ZNF569: variants seen among roughly 807,000 people sequenced by gnomAD.
ZNF569 encodes DNA-binding protein.
ZNF569 carries 38 observed loss-of-function variants against 56.3 expected under a neutral mutation model. The observed-to-expected ratio is 0.68, with a 90% CI of 0.52 to 0.88. The LOEUF (loss-of-function observed/expected upper bound fraction) is 0.88, where lower values mean the gene tolerates loss of function less well. Ranked by LOEUF, ZNF569 falls within the 40% of genes least tolerant of loss-of-function variation. The pLI is 0.00. For missense variants in ZNF569, 666 were observed against 809.2 expected, an observed-to-expected ratio of 0.82 and a Z score of 2.15; for synonymous variants, 241 against 262.9, an observed-to-expected ratio of 0.92 and a Z score of 0.81.
intron 3 of ZNF569, among the ~76,000 whole-genome samples, chr19:37,440,002 T>C (rs1467638512): frequency 6.6e-6 from 1 of 152,202 alleles, no homozygotes; most frequent in Non-Finnish European, 1.5e-5. Context: ...ACAGGACAAC[T>C]ATAGTCAACA....
Position 37,414,292 on chromosome 19 carries a change from T to C in ZNF569, c.366A>G (p.Val122=). The C allele has an allele frequency of 1.2e-6, 2 of 1,613,676 alleles. No individual in the cohort carries two copies. Among genetic ancestry groups the C allele is most frequent in the Non-Finnish European group, 1.7e-6 (2 of 1,179,796 alleles). Residue 122 remains valine, a synonymous_variant, in exon 6 of 6, where the codon GTA becomes GTG. Transcript: ENST00000316950. ...GGAAAAAATCAGAGTTCAGAGGAAA[T>C]ACATTTGCAAATTTCTTTTGACATT... The part of the protein sequence containing the change: ...GNECQKKFAN[V]FPLNSDFFPS...
chr19:37,436,355 T>C (rs1206694833), intron 3 of ZNF569, among the ~76,000 whole-genome samples: 2 of 151,720 alleles, frequency 1.3e-5, no homozygotes, highest in Admixed American at 1.3e-4. Context: ...AAAAGGAAAG[T>C]TTATAGCTAT....
chr19:37,468,718 G>A (rs192549552), upstream of ZNF569, among the ~76,000 whole-genome samples: 4 of 152,278 alleles, frequency 2.6e-5, no homozygotes, highest in South Asian at 4.1e-4. Flanking sequence ...ATGTTGGTCA[G>A]GCTGGTCTCG....
At chr19:37,464,961 G>A (rs999758407) in intron 2 of ZNF569, among the ~76,000 whole-genome samples, 6 of 152,002 alleles carry the variant, frequency 3.9e-5, no homozygotes, top group South Asian at 2.1e-4. Context: ...TTAATACTAC[G>A]GGCCATAAAG....
chr19:37,454,584 T>C (rs1339078877), intron 2 of ZNF569, among the ~76,000 whole-genome samples: 1 of 152,176 alleles, frequency 6.6e-6, no homozygotes, highest in Non-Finnish European at 1.5e-5. Flanking sequence ...CTCTTCATTA[T>C]GCAGTGATAG....
chr19:37,444,876 G>C, intron 3 of ZNF569, 31 bp downstream of exon 3: 1 of 1,574,372 alleles, frequency 6.4e-7, no homozygotes, highest in South Asian at 1.1e-5. Context: ...GGAGAGTAAG[G>C]CAAGAAACAA....
At chr19:37,427,681 A>G in intron 3 of ZNF569, 1 of 414,676 alleles carries the variant, frequency 2.4e-6, no homozygotes, top group Admixed American at 2.5e-5. Flanking sequence ...AGCTCCTGAA[A>G]GCCCTTCCTG....
intron 3 of ZNF569, among the ~76,000 whole-genome samples, chr19:37,442,414 G>GA (rs1005923916): frequency 2.0e-5 from 3 of 152,188 alleles, no homozygotes; most frequent in Non-Finnish European, 4.4e-5. Flanking sequence ...TAGTGAGGGT[G>GA]AAACACAGTG....
At chr19:37,441,194 T>A (rs574367302) in intron 3 of ZNF569, among the ~76,000 whole-genome samples, 1 of 152,016 alleles carries the variant, frequency 6.6e-6, no homozygotes, top group African/African-American at 2.4e-5. Context: ...GGTAGGGAGG[T>A]AATATGTGCC....
intron 5 of ZNF569, among the ~76,000 whole-genome samples, chr19:37,423,606 T>C (rs1190644427): frequency 6.6e-6 from 1 of 152,152 alleles, no homozygotes; most frequent in African/African-American, 2.4e-5. Flanking sequence ...AAAAAAGTAC[T>C]TCAACGAGGA....
intron 3 of ZNF569, among the ~76,000 whole-genome samples, chr19:37,426,962 G>A (rs974847932): frequency 6.6e-6 from 1 of 152,194 alleles, no homozygotes; most frequent in Non-Finnish European, 1.5e-5. Flanking sequence ...CACATGCCCT[G>A]ATGACAATTT....
intron 2 of ZNF569, among the ~76,000 whole-genome samples, chr19:37,456,523 C>T (rs1347516478): frequency 2.0e-5 from 3 of 152,134 alleles, no homozygotes; most frequent in African/African-American, 7.2e-5. Flanking sequence ...CATTAAGTCA[C>T]AGAGCTCTCC....
At chr19:37,436,553 T>TA (rs2041312639) in intron 3 of ZNF569, among the ~76,000 whole-genome samples, 1 of 151,474 alleles carries the variant, frequency 6.6e-6, no homozygotes, top group Non-Finnish European at 1.5e-5. Flanking sequence ...ATCAGTTTTT[T>TA]AAAAAAATGA....
chr19:37,433,526 C>A (rs545757806), intron 3 of ZNF569, among the ~76,000 whole-genome samples: 2 of 152,114 alleles, frequency 1.3e-5, no homozygotes, highest in African/African-American at 4.8e-5. Flanking sequence ...TAGATTTAAA[C>A]CAAATAAGAC....
upstream of ZNF569, chr19:37,468,160 C>A: frequency 1.8e-6 from 1 of 567,844 alleles, no homozygotes; most frequent in South Asian, 2.3e-5. Context: ...GATGTTGGCT[C>A]ACTGCAGCCT....
chr19:37,422,573 A>G (rs755700579), intron 5 of ZNF569, among the ~76,000 whole-genome samples: 2 of 152,224 alleles, frequency 1.3e-5, no homozygotes, highest in African/African-American at 2.4e-5. Flanking sequence ...CAGGGCTGCC[A>G]CAAGCCTTCA....
At chr19:37,428,822 G>T (rs1322881599) in intron 3 of ZNF569, among the ~76,000 whole-genome samples, 1 of 151,956 alleles carries the variant, frequency 6.6e-6, no homozygotes, top group Admixed American at 6.6e-5. Flanking sequence ...CTACAGGCGT[G>T]CGCCACCACA....
chr19:37,450,279 G>C (rs1301764927), intron 2 of ZNF569, among the ~76,000 whole-genome samples: 1 of 152,194 alleles, frequency 6.6e-6, no homozygotes, highest in Non-Finnish European at 1.5e-5. Context: ...GTATGGTCCA[G>C]AGCTCTTCCA....
intron 3 of ZNF569, among the ~76,000 whole-genome samples, chr19:37,427,344 C>A (rs1168295130): frequency 5.9e-5 from 9 of 151,640 alleles, no homozygotes; most frequent in Admixed American, 6.6e-5. Context: ...GAATGAATTT[C>A]AAAAAAACTG....
Sources: gnomAD v4.1 joint callset for allele counts (sites outside exome capture counted in the v4.1 genomes callset) on GRCh38, gnomAD v4.1.1 for gene constraint, MANE v1.5 for transcripts, NCBI Gene and HGNC (gene_info 2026-07-23, HGNC 2026-07-21) for gene names.